The following RBMS1 variants were observed in gnomAD, a reference collection of about 807,000 sequenced individuals.
RBMS1 encodes RNA-binding motif, single-stranded-interacting protein 1.
In RBMS1, 17 loss-of-function variants were observed where a neutral mutation model predicts 62.3. The observed-to-expected ratio is 0.27, with a 90% confidence interval of 0.19 to 0.41. The LOEUF is 0.41. RBMS1 is among the 10% of genes least tolerant of loss of function. The pLI is 1.00. For synonymous variants in RBMS1, 172 were observed against 170.0 expected (o/e 1.01, Z -0.09); for missense variants, 334 against 504.5 (o/e 0.66, Z 3.24).
At chr2:160,438,789 G>A (rs1013493692) in intron 1 of RBMS1, among the ~76,000 whole-genome samples, 1 of 152,216 alleles carries the variant, frequency 6.6e-6, no homozygotes, top group African/African-American at 2.4e-5. Flanking sequence ...CCTCCCAGAC[G>A]GGGTGGTGGC....
chr2:160,355,041 T>C (rs1279430841), intron 2 of RBMS1, among the ~76,000 whole-genome samples: 1 of 152,124 alleles, frequency 6.6e-6, no homozygotes, highest in African/African-American at 2.4e-5. Context: ...CAGTTTGAAG[T>C]CAAACAATTC....
intron 1 of RBMS1, among the ~76,000 whole-genome samples, chr2:160,398,352 TG>T (rs1285352526): frequency 6.6e-6 from 1 of 152,200 alleles, no homozygotes; most frequent in African/African-American, 2.4e-5. Flanking sequence ...TTACCAAGAA[TG>T]AAATTTGCCA....
At chr2:160,404,802 C>G (rs1695611215) in intron 1 of RBMS1, among the ~76,000 whole-genome samples, 1 of 152,214 alleles carries the variant, frequency 6.6e-6, no homozygotes, top group Non-Finnish European at 1.5e-5. Context: ...TCCTAGCTCA[C>G]AAGTTCTCCC....
chr2:160,425,553 A>G (rs1376846569), intron 1 of RBMS1, among the ~76,000 whole-genome samples: 1 of 152,168 alleles, frequency 6.6e-6, no homozygotes, highest in Non-Finnish European at 1.5e-5. Flanking sequence ...AAGGAGAAGC[A>G]ATGAGGTAGA....
At chr2:160,309,845 A>G (rs1240741520) in intron 4 of RBMS1, among the ~76,000 whole-genome samples, 1 of 152,182 alleles carries the variant, frequency 6.6e-6, no homozygotes, top group Non-Finnish European at 1.5e-5. Context: ...AAGCTTTGGA[A>G]ATAGGAAAGA....
intron 1 of RBMS1, among the ~76,000 whole-genome samples, chr2:160,410,086 G>A (rs1437499484): frequency 3.3e-5 from 5 of 151,358 alleles, no homozygotes; most frequent in African/African-American, 1.2e-4. Flanking sequence ...GCCGGGCATA[G>A]TGGCGGGCGC....
At chr2:160,472,598 A>C (rs944904963) in intron 1 of RBMS1, among the ~76,000 whole-genome samples, 2 of 152,202 alleles carry the variant, frequency 1.3e-5, no homozygotes, top group Non-Finnish European at 2.9e-5. Flanking sequence ...GGAAATCAGG[A>C]AATGCATTTT....
At chr2:160,344,562 C>T (rs1290290026) in intron 2 of RBMS1, among the ~76,000 whole-genome samples, 3 of 152,108 alleles carry the variant, frequency 2.0e-5, no homozygotes, top group Non-Finnish European at 2.9e-5. Context: ...CCAATGGTTT[C>T]TATAAAGGTG....
chr2:160,404,186 C>T (rs1456450144), intron 1 of RBMS1, among the ~76,000 whole-genome samples: 2 of 152,134 alleles, frequency 1.3e-5, no homozygotes, highest in Admixed American at 6.5e-5. Flanking sequence ...GGTTATCACT[C>T]CATTCAAAAG....
At chr2:160,359,505 A>G (rs1421035062) in intron 2 of RBMS1, among the ~76,000 whole-genome samples, 1 of 152,070 alleles carries the variant, frequency 6.6e-6, no homozygotes, top group African/African-American at 2.4e-5. Context: ...GGGTGGAATG[A>G]TTTTCCTACC....
intron 1 of RBMS1, among the ~76,000 whole-genome samples, chr2:160,419,967 A>G (rs567225204): frequency 6.6e-6 from 1 of 152,334 alleles, no homozygotes; most frequent in African/African-American, 2.4e-5. Context: ...ACGATTTTTA[A>G]ATTAGCAGCT....
At chr2:160,312,459 C>T (rs1689979104) in intron 4 of RBMS1, among the ~76,000 whole-genome samples, 1 of 152,102 alleles carries the variant, frequency 6.6e-6, no homozygotes, top group Non-Finnish European at 1.5e-5. Flanking sequence ...ACATGGTCTC[C>T]CATTTTATAA....
chr2:160,407,549 GGCGGGTGCGGGC>G (rs1379594165), intron 1 of RBMS1: 2 of 985,226 alleles, frequency 2.0e-6, no homozygotes, highest in African/African-American at 1.8e-5. Flanking sequence ...GGGCGGCGGC[GGCGGGTGCGGGC>G]GCGGGCGCGG....
At chr2:160,366,917 A>G (rs1033238108) in intron 2 of RBMS1, 1 of 202,918 alleles carries the variant, frequency 4.9e-6, no homozygotes, top group Non-Finnish European at 9.9e-6. Context: ...AACTCCTGAA[A>G]AATATCTAGC....
intron 1 of RBMS1, among the ~76,000 whole-genome samples, chr2:160,464,348 A>G (rs1393277315): frequency 6.6e-6 from 1 of 152,238 alleles, no homozygotes; most frequent in African/African-American, 2.4e-5. Context: ...CTCAAAAACA[A>G]TGCTGCATGA....
chr2:160,374,423 T>C (rs565639885), intron 1 of RBMS1, among the ~76,000 whole-genome samples: 1 of 152,008 alleles, frequency 6.6e-6, no homozygotes, highest in East Asian at 1.9e-4. Context: ...CTCCCACAAG[T>C]TGATGTTGGG....
At chr2:160,480,270 A>C (rs1187591700) in intron 1 of RBMS1, among the ~76,000 whole-genome samples, 2 of 152,206 alleles carry the variant, frequency 1.3e-5, no homozygotes, top group African/African-American at 2.4e-5. Flanking sequence ...AAAGAGAATA[A>C]AGAGTATAAA....
chr2:160,283,010 T>C (rs1211503360), intron 9 of RBMS1: 1 of 152,216 alleles, frequency 6.6e-6, no homozygotes, highest in Non-Finnish European at 1.5e-5. Flanking sequence ...TGAAATAATA[T>C]GTTATTTCTA....
At chr2:160,282,274 G>A (rs1381569551) in intron 9 of RBMS1, 9 of 1,367,736 alleles carry the variant, frequency 6.6e-6, no homozygotes, top group African/African-American at 3.0e-5. Flanking sequence ...GCAGAGCCCC[G>A]ATACTTGTTT....
Sources: gnomAD v4.1 joint callset for allele counts (sites outside exome capture counted in the v4.1 genomes callset) on GRCh38, gnomAD v4.1.1 for gene constraint, MANE v1.5 for transcripts, NCBI Gene and HGNC (gene_info 2026-07-23, HGNC 2026-07-21) for gene names.